PLEKHH2: variants seen among roughly 807,000 people sequenced by gnomAD.
PLEKHH2 encodes pleckstrin homology domain-containing family H member 2.
PLEKHH2 carries 129 observed loss-of-function variants against 187.9 expected under a neutral mutation model. The observed-to-expected ratio is 0.69, with a 90% CI of 0.59 to 0.79. The LOEUF (loss-of-function observed/expected upper bound fraction) is 0.79. Ranked by LOEUF, PLEKHH2 falls within the 30% of genes least tolerant of loss-of-function variation. PLEKHH2 has a pLI of 0.00. For missense variants in PLEKHH2, 2,076 were observed against 1,751.2 expected (o/e 1.19, Z -3.31); for synonymous variants, 686 against 605.6 (o/e 1.13, Z -1.95).
At chr2:43,745,797 G>C (rs1318653294) in intron 23 of PLEKHH2, 69 bp from the exon 24 acceptor site, 7 of 1,196,466 alleles carry the variant, frequency 5.9e-6, no homozygotes, top group Non-Finnish European at 8.4e-6. Flanking sequence ...TCAGTCTGCA[G>C]CACACTTGTC....
At chr2:43,709,783 C>T (rs1669856569) in intron 11 of PLEKHH2, among the ~76,000 whole-genome samples, 1 of 152,148 alleles carries the variant, frequency 6.6e-6, no homozygotes, top group African/African-American at 2.4e-5. Context: ...TTGCAGTGAG[C>T]CGAGATTGTG....
intron 8 of PLEKHH2, among the ~76,000 whole-genome samples, chr2:43,702,028 C>CGT (rs1291395909): frequency 5.3e-5 from 8 of 152,178 alleles, no homozygotes; most frequent in African/African-American, 1.7e-4. Flanking sequence ...CTCAGCCTCC[C>CGT]AAAGTGCTGG....
At position 43,757,044 on chromosome 2, in the gene PLEKHH2, A is replaced by G. The variant is rs1672238410; in HGVS notation, c.3796-75A>G. ...TTATGTGTTAAAAAAGAATGTTTAGAAAAAATAAAACTAACTGATTTTCTG... is the reference window on the plus strand; with the variant it reads ...TTATGTGTTAAAAAAGAATGTTTAGGAAAAATAAAACTAACTGATTTTCTG... On this transcript the variant is annotated intron_variant, in intron 25 of 29. Transcript: ENST00000282406. The G allele has an allele frequency of 2.5e-6, 3 of 1,215,686 alleles. No individual in the cohort carries two copies. In the South Asian group the frequency reaches 6.4e-5, roughly 26 times the overall value. 75.3% of individuals were successfully genotyped at this position (1,215,686 alleles called of 1,614,324 possible). A position where few individuals can be genotyped will look rare whatever the true frequency, so the allele number is the denominator to read the frequency against.
rs542467220 is a variant in PLEKHH2, at chr2:43,726,815, AT to A, written c.2721+366del. ...TGGCCTTAGATACAGTAGAAAATTAATTATTTTATGTATTATATGTACATGT... is the reference window on the plus strand; with the variant it reads ...TGGCCTTAGATACAGTAGAAAATTAATATTTTATGTATTATATGTACATGT... On this transcript the variant is annotated intron_variant, in intron 17 of 29. Transcript: ENST00000282406. Among the ~76,000 whole-genome samples, 131 of 152,288 alleles carry A rather than the reference AT, an allele frequency of 8.6e-4. 1 individual carries two copies. The highest frequency in any genetic ancestry group is 1.2e-4 in the Non-Finnish European group (8 of 68,020).
intron 16 of PLEKHH2, among the ~76,000 whole-genome samples, chr2:43,725,631 C>G (rs963902212): frequency 5.9e-5 from 9 of 152,284 alleles, no homozygotes; most frequent in African/African-American, 1.7e-4. Flanking sequence ...CTTTCTGCCT[C>G]CTATAAGAAT....
chr2:43,676,485 A>T (rs1238561083), intron 2 of PLEKHH2, among the ~76,000 whole-genome samples: 2 of 151,362 alleles, frequency 1.3e-5, no homozygotes, highest in African/African-American at 2.4e-5. Flanking sequence ...CAGGAGCGGG[A>T]CGCGGCGGCC....
chr2:43,725,950 A>G (rs1558569347), intron 16 of PLEKHH2, among the ~76,000 whole-genome samples: 1 of 145,686 alleles, frequency 6.9e-6, no homozygotes, highest in Non-Finnish European at 1.5e-5. Context: ...ATCTCCAAAA[A>G]AAAATCATTT....
At chr2:43,651,318 C>T (rs1015397611) in intron 2 of PLEKHH2, among the ~76,000 whole-genome samples, 4 of 151,714 alleles carry the variant, frequency 2.6e-5, no homozygotes, top group Admixed American at 1.3e-4. Context: ...CCACCCGCCT[C>T]GGCCTCCCAA....
At chr2:43,747,044 A>T (rs1671809830) in intron 24 of PLEKHH2, among the ~76,000 whole-genome samples, 1 of 150,538 alleles carries the variant, frequency 6.6e-6, no homozygotes, top group Non-Finnish European at 1.5e-5. Flanking sequence ...CTTTATACTC[A>T]TATTTATTCC....
At chr2:43,646,225 GT>G (rs1666178068) in intron 2 of PLEKHH2, among the ~76,000 whole-genome samples, 1 of 152,182 alleles carries the variant, frequency 6.6e-6, no homozygotes, top group Non-Finnish European at 1.5e-5. Flanking sequence ...AGTTGGAGAA[GT>G]TTTTTCTAAC....
intron 1 of PLEKHH2, among the ~76,000 whole-genome samples, chr2:43,640,950 ATTTTT>A (rs58200065): frequency 1.7e-5 from 2 of 115,776 alleles, no homozygotes; most frequent in South Asian, 3.0e-4. Context: ...TGCCTGGCTA[ATTTTT>A]TTTTTTTTTT....
At chr2:43,671,187 A>T (rs896802283) in intron 2 of PLEKHH2, among the ~76,000 whole-genome samples, 1 of 151,910 alleles carries the variant, frequency 6.6e-6, no homozygotes, top group African/African-American at 2.4e-5. Context: ...GGGTTTTACC[A>T]TGTTGGCCAG....
At position 43,692,600 on chromosome 2, in the gene PLEKHH2, G is replaced by T; in HGVS notation, c.273G>T (p.Leu91=). 1.2e-6 allele frequency: 2 copies of T among 1,611,882 alleles called. No individual in the cohort carries two copies. Among genetic ancestry groups the T allele is most frequent in the Non-Finnish European group, 1.7e-6 (2 of 1,178,356 alleles). ...ETRLYNKCQD[L]ESLIQEKDDV... ...GATTATATAATAAGTGTCAAGATCT[G>T]GAGTCGCTAATACAGGAAAAAGATG... Residue 91 remains leucine (L), a synonymous_variant, in exon 4 of 30, where the codon CTG becomes CTT. Coordinates refer to ENST00000282406, the MANE Select transcript of PLEKHH2 (RefSeq NM_172069.4).
In PLEKHH2 at chr2:43,695,233, A is replaced by T. The variant is rs1669029294; in HGVS notation, c.502+9A>T. The T allele has an allele frequency of 6.6e-7, 1 of 1,525,990 alleles. No homozygotes were observed. The highest frequency in any genetic ancestry group is 1.4e-5 in the African/African-American group (1 of 73,010). The allele number at this position is 1,525,990 out of a possible 1,614,324, so 94.5% of individuals were successfully genotyped here. A position where few individuals can be genotyped will look rare whatever the true frequency, so the allele number is the denominator to read the frequency against. ...GCAGTCAAAACTACAAGGTACAAATACTTTACTAAGATAGCTTAGTTGGAT... is the reference window on the plus strand; with the variant it reads ...GCAGTCAAAACTACAAGGTACAAATTCTTTACTAAGATAGCTTAGTTGGAT... On this transcript the variant is annotated intron_variant, in intron 6 of 29. Transcript: ENST00000282406.
In PLEKHH2 at chr2:43,760,359, CT is replaced by C. The variant is rs763777313; in HGVS notation, c.4071+1351del. 8.0e-3 allele frequency among the ~76,000 whole-genome samples: 947 copies of C among 118,996 alleles called. 5 individuals are homozygous for C. The highest frequency in any genetic ancestry group is 0.028 in the African/African-American group (800 of 28,792). The allele number at this position is 118,996 out of a possible 152,430, so 78.1% of individuals were successfully genotyped here. On this transcript the variant is annotated intron_variant, in intron 27 of 29. Transcript: ENST00000282406. ...CACATAATGAAATTTACCCTTTAAC[CT>C]TTTTTTTTTTTTTTTTTTTTGAGAC...
At chr2:43,722,988 C>A (rs536772038) in intron 16 of PLEKHH2, among the ~76,000 whole-genome samples, 1 of 152,120 alleles carries the variant, frequency 6.6e-6, no homozygotes, top group African/African-American at 2.4e-5. Flanking sequence ...GTATCAATGT[C>A]TTTTTTTATT....
chr2:43,732,397 C>T (rs1671086257), intron 19 of PLEKHH2, among the ~76,000 whole-genome samples: 1 of 151,940 alleles, frequency 6.6e-6, no homozygotes, highest in Non-Finnish European at 1.5e-5. Flanking sequence ...TTTTAGCTCC[C>T]AACTCACATT....
intron 3 of PLEKHH2, among the ~76,000 whole-genome samples, chr2:43,684,099 A>G (rs78004113): frequency 6.6e-6 from 1 of 152,278 alleles, no homozygotes; most frequent in East Asian, 1.9e-4. Flanking sequence ...TTTATGTTCT[A>G]TGGATTTTGA....
chr2:43,688,623 T>C (rs1668641824), intron 3 of PLEKHH2, among the ~76,000 whole-genome samples: 1 of 152,220 alleles, frequency 6.6e-6, no homozygotes, highest in Non-Finnish European at 1.5e-5. Context: ...AACAGTACTC[T>C]TGGGTTCAGT....
Sources: allele counts gnomAD v4.1 joint callset (sites outside exome capture counted in the v4.1 genomes callset), GRCh38; gene constraint gnomAD v4.1.1; transcripts MANE v1.5; gene names NCBI Gene and HGNC (gene_info 2026-07-23, HGNC 2026-07-21).